Variants in CRISPLD2 observed in about 807,000 individuals in gnomAD.
CRISPLD2 encodes cysteine-rich secretory protein LCCL domain-containing 2.
CRISPLD2 carries 47 observed loss-of-function variants against 71.1 expected under a neutral mutation model. The observed-to-expected ratio is 0.66, with a 90% CI of 0.52 to 0.84. CRISPLD2 has a LOEUF of 0.84. Among genes scored for constraint, CRISPLD2 ranks in the 40% least tolerant of loss-of-function variants. The pLI, the probability that CRISPLD2 is intolerant of heterozygous loss-of-function variation, is 0.00. For synonymous variants in CRISPLD2, 317 were observed against 250.1 expected, an observed-to-expected ratio of 1.27 and a Z score of -2.52; for missense variants, 830 against 651.1, an observed-to-expected ratio of 1.27 and a Z score of -2.99.
At chr16:84,882,327 T>G (rs916028035) in intron 13 of CRISPLD2, among the ~76,000 whole-genome samples, 3 of 66,540 alleles carry the variant, frequency 4.5e-5, no homozygotes, top group Non-Finnish European at 9.4e-5. Flanking sequence ...CCAAACAATA[T>G]AGCAGCTAAA....
intron 14 of CRISPLD2, among the ~76,000 whole-genome samples, chr16:84,893,621 C>A (rs915995968): frequency 6.6e-6 from 1 of 152,182 alleles, no homozygotes; most frequent in Non-Finnish European, 1.5e-5. Flanking sequence ...AGCAGCAGGG[C>A]CCAGGGGGTC....
At chr16:84,835,908 T>C (rs1327186651) in intron 1 of CRISPLD2, among the ~76,000 whole-genome samples, 1 of 152,224 alleles carries the variant, frequency 6.6e-6, no homozygotes, top group East Asian at 1.9e-4. Flanking sequence ...TTTCTCACTT[T>C]GGCATTTTGT....
intron 14 of CRISPLD2, among the ~76,000 whole-genome samples, chr16:84,903,904 C>G (rs1248386809): frequency 6.6e-6 from 1 of 152,232 alleles, no homozygotes; most frequent in Admixed American, 6.5e-5. Context: ...CCTGTTCACC[C>G]CACCAGCTCC....
chr16:84,877,337 A>C (rs2143304186), intron 11 of CRISPLD2, 101 bp from the exon 12 acceptor site: 1 of 1,002,000 alleles, frequency 1.0e-6, no homozygotes. Context: ...GGCCCAGGGA[A>C]CCCATAGGCC....
chr16:84,882,285 A>G (rs937318133), intron 13 of CRISPLD2, among the ~76,000 whole-genome samples: 2 of 150,576 alleles, frequency 1.3e-5, no homozygotes, highest in Non-Finnish European at 3.0e-5. Flanking sequence ...AGAAGATACA[A>G]TTTACAGGAA....
intron 1 of CRISPLD2, among the ~76,000 whole-genome samples, chr16:84,832,549 C>G (rs765601000): frequency 1.3e-5 from 2 of 152,382 alleles, no homozygotes; most frequent in Non-Finnish European, 2.9e-5. Context: ...GTGAACGAGA[C>G]CCGCAGGTCT....
At chr16:84,875,602 C>A (rs2071511545) in intron 11 of CRISPLD2, among the ~76,000 whole-genome samples, 2 of 151,298 alleles carry the variant, frequency 1.3e-5, no homozygotes, top group Non-Finnish European at 2.9e-5. Context: ...TGTCGCCCAG[C>A]CTGGAGTGCA....
rs549225716 is a variant in CRISPLD2 at position 84,850,447 on chromosome 16, G to A, written c.493-121G>A. 18 of 750,098 alleles carry A rather than the reference G, an allele frequency of 2.4e-5. No individual in the cohort carries two copies. In the South Asian group the frequency reaches 2.8e-4, roughly 12 times the overall value. The allele number at this position is 750,098 out of a possible 1,614,324, so 46.5% of individuals were successfully genotyped here. On this transcript the variant is annotated intron_variant, in intron 4 of 14. Transcript: ENST00000262424. ...TTCAATGGGTTAGGGACTAATATCT[G>A]CTTCCCCAACCCTTCACCTCGTACC...
At chr16:84,840,843 A>G (rs1189277861) in intron 2 of CRISPLD2, among the ~76,000 whole-genome samples, 1 of 152,136 alleles carries the variant, frequency 6.6e-6, no homozygotes, top group East Asian at 1.9e-4. Context: ...TGCCCGGCCT[A>G]TACATATTTA....
intron 8 of CRISPLD2, among the ~76,000 whole-genome samples, chr16:84,870,950 C>T (rs1406460166): frequency 6.6e-6 from 1 of 152,018 alleles, no homozygotes; most frequent in East Asian, 2.0e-4. Context: ...CCCAGCTACT[C>T]GGGAGGCTGA....
chr16:84,835,863 G>C (rs573450303), intron 1 of CRISPLD2, among the ~76,000 whole-genome samples: 25 of 152,150 alleles, frequency 1.6e-4, no homozygotes, highest in Non-Finnish European at 2.4e-4. Flanking sequence ...ACGTGCCAGA[G>C]GACTCATTTA....
chr16:84,861,033 T>C (rs1317897305), intron 6 of CRISPLD2, among the ~76,000 whole-genome samples: 1 of 152,134 alleles, frequency 6.6e-6, no homozygotes, highest in East Asian at 1.9e-4. Flanking sequence ...TAGTCAGAGG[T>C]ATTCAGTCTA....
At chr16:84,845,016 C>A (rs556481743) in intron 2 of CRISPLD2, among the ~76,000 whole-genome samples, 1 of 152,174 alleles carries the variant, frequency 6.6e-6, no homozygotes, top group Non-Finnish European at 1.5e-5. Context: ...TCCAACGCCA[C>A]CCGGATAATT....
intron 14 of CRISPLD2, among the ~76,000 whole-genome samples, chr16:84,899,771 C>T (rs2071737363): frequency 6.6e-6 from 1 of 152,168 alleles, no homozygotes; most frequent in African/African-American, 2.4e-5. Flanking sequence ...ATCTGGACGG[C>T]AGCCTGAATG....
At chr16:84,835,976 G>C (rs914373648) in intron 1 of CRISPLD2, among the ~76,000 whole-genome samples, 3 of 152,318 alleles carry the variant, frequency 2.0e-5, no homozygotes, top group South Asian at 2.1e-4. Context: ...AATCCGAAAT[G>C]CTTCAAAATC....
At chr16:84,858,711 C>T (rs1444193641) in intron 6 of CRISPLD2, among the ~76,000 whole-genome samples, 1 of 152,166 alleles carries the variant, frequency 6.6e-6, no homozygotes, top group Non-Finnish European at 1.5e-5. Flanking sequence ...ATTGATATAC[C>T]CCTGAGCTTA....
At chr16:84,883,093 C>G (rs1241832117) in intron 13 of CRISPLD2, among the ~76,000 whole-genome samples, 1 of 152,036 alleles carries the variant, frequency 6.6e-6, no homozygotes, top group Non-Finnish European at 1.5e-5. Context: ...AATGAAGATA[C>G]TGCAGTACTC....
chr16:84,837,628 A>G (rs879398821), intron 1 of CRISPLD2, among the ~76,000 whole-genome samples: 41 of 152,076 alleles, frequency 2.7e-4, no homozygotes, highest in Non-Finnish European at 4.9e-4. Flanking sequence ...CGTGTTAGCC[A>G]GGATGGTCTC....
At chr16:84,852,452 T>G (rs771942428) in intron 5 of CRISPLD2, among the ~76,000 whole-genome samples, 2 of 152,234 alleles carry the variant, frequency 1.3e-5, no homozygotes, top group Non-Finnish European at 2.9e-5. Context: ...GCACACTCCC[T>G]GTACCCCCAA....
Sources: gnomAD v4.1 joint callset for allele counts (sites outside exome capture counted in the v4.1 genomes callset) on GRCh38, gnomAD v4.1.1 for gene constraint, MANE v1.5 for transcripts, NCBI Gene and HGNC (gene_info 2026-07-23, HGNC 2026-07-21) for gene names.